KIF1A: variants seen among roughly 807,000 people sequenced by gnomAD.
KIF1A encodes the protein kinesin family member 1A, also known as kinesin-like protein KIF1A.
A neutral mutation model predicts 227.3 loss-of-function variants in KIF1A; 46 were observed. That is an observed-to-expected ratio of 0.20 (90% confidence interval 0.16 to 0.26). The LOEUF (loss-of-function observed/expected upper bound fraction) is 0.26. Ranked by LOEUF, KIF1A falls within the 10% of genes least tolerant of loss-of-function variation. KIF1A has a pLI of 1.00. For synonymous variants in KIF1A, 1,022 were observed against 1,012.8 expected, an observed-to-expected ratio of 1.01 and a Z score of -0.17; for missense variants, 1,683 against 2,485.9, an observed-to-expected ratio of 0.68 and a Z score of 6.87.
intron 11 of KIF1A, among the ~76,000 whole-genome samples, chr2:240,774,841 G>A (rs551088496): frequency 1.2e-4 from 19 of 152,204 alleles, no homozygotes; most frequent in East Asian, 5.9e-4. Flanking sequence ...GCTGCCTGGC[G>A]GTGCTTCAAG....
intron 38 of KIF1A, among the ~76,000 whole-genome samples, chr2:240,728,113 G>A (rs959896011): frequency 6.6e-5 from 10 of 152,184 alleles, no homozygotes; most frequent in African/African-American, 1.7e-4. Flanking sequence ...TCCCGAGACC[G>A]CGGTGGAGCA....
At chr2:240,717,947 A>G in intron 48 of KIF1A, 103 bp downstream of exon 48, 1 of 759,712 alleles carries the variant, frequency 1.3e-6, no homozygotes, top group Non-Finnish European at 2.3e-6. Flanking sequence ...CCCCTGGGAG[A>G]GCAGTCTTGT....
At position 240,752,517 on chromosome 2, in the gene KIF1A, T is replaced by C. The variant is rs959287180; in HGVS notation, c.2859-1970A>G. ...TGACAGTGGGGGTGGGAAAAGGGGC[T>C]GCTACAAACTGAGCAAAGCTAAGTT... On this transcript the variant is annotated intron_variant, in intron 27 of 48. Transcript: ENST00000498729. The surrounding 1 kb of genome is among the most constrained non-coding windows in gnomAD (Gnocchi z 6.4). 3.3e-5 allele frequency among the ~76,000 whole-genome samples: 5 copies of C among 151,908 alleles called. No homozygotes were observed. The highest frequency in any genetic ancestry group is 1.2e-4 in the African/African-American group (5 of 41,350).
Position 240,770,989 on chromosome 2 carries a change from C to T in KIF1A, c.1323G>A (p.Glu441=), listed in dbSNP as rs771765916. 6.2e-7 allele frequency: 1 copy of T among 1,611,818 alleles called. No homozygotes were observed. Among genetic ancestry groups the T allele is most frequent in the Non-Finnish European group, 8.5e-7 (1 of 1,179,838 alleles). The change falls in exon 15 of 49, where the codon GAG becomes GAA. Residue 441 remains glutamate, a synonymous_variant. Coordinates refer to ENST00000498729, the MANE Select transcript of KIF1A (RefSeq NM_001244008.2). The part of the protein sequence containing the change: ...ERILFAPGSE[E]AIERLKETEK... ...CCCTCACCTTCAGTCTTTCAATGGC[C>T]TCCTCGCTGCCCGGGGCAAACAAGA...
At chr2:240,821,358 G>T (rs1472184433), upstream of KIF1A, among the ~76,000 whole-genome samples, 1 of 152,214 alleles carries the variant, frequency 6.6e-6, no homozygotes, top group African/African-American at 2.4e-5. Context: ...CGACAGCTGC[G>T]TGCGAGCGCC....
chr2:240,815,408 C>T (rs962882939), intron 1 of KIF1A, among the ~76,000 whole-genome samples: 1 of 152,100 alleles, frequency 6.6e-6, no homozygotes, highest in Non-Finnish European at 1.5e-5. Context: ...AGGAGCAGTC[C>T]GGGGCCATGC....
rs868347833 is a variant in KIF1A at position 240,763,366 on chromosome 2, G to A, written c.1769-20C>T. On this transcript the variant is annotated intron_variant, in intron 20 of 48. Coordinates refer to ENST00000498729, the MANE Select transcript of KIF1A (RefSeq NM_001244008.2). The stretch of plus-strand genomic sequence containing the variant: ...GGTTTCCTGGGGAACAGAGGGACAG[G>A]TGGCCTTGAGGGATGGGGATCTTCA... 14 of 1,553,772 alleles carry A rather than the reference G, an allele frequency of 9.0e-6. No individual in the cohort carries two copies. In the Middle Eastern group the frequency reaches 8.4e-4, roughly 93 times the overall value.
intron 6 of KIF1A, among the ~76,000 whole-genome samples, chr2:240,785,480 G>A (rs1010040599): frequency 5.9e-5 from 9 of 152,308 alleles, no homozygotes; most frequent in East Asian, 3.9e-4. Flanking sequence ...CCACACCCGC[G>A]GCTCTGGGAA....
intron 10 of KIF1A, among the ~76,000 whole-genome samples, chr2:240,777,848 G>C (rs952251927): frequency 3.3e-5 from 5 of 152,198 alleles, no homozygotes; most frequent in African/African-American, 1.2e-4. Context: ...ACCCTCTCGC[G>C]CGGCTCCTTC....
At chr2:240,810,494 T>G (rs1349063916) in intron 1 of KIF1A, among the ~76,000 whole-genome samples, 3 of 152,088 alleles carry the variant, frequency 2.0e-5, no homozygotes, top group Non-Finnish European at 4.4e-5. Flanking sequence ...TGCCACCACT[T>G]TGAAAATAAC....
Position 240,800,589 on chromosome 2 carries a change from T to A in KIF1A, c.-60-2777A>T, listed in dbSNP as rs1021002343. 3.9e-5 allele frequency among the ~76,000 whole-genome samples: 6 copies of A among 152,320 alleles called. No homozygotes were observed. The South Asian group carries it at 1.2e-3, about 32-fold the overall frequency. ...GCCGTTGCTGAGGGACGGAGGAAGC[T>A]GCAGAGCTTTTGGGCAAAAAGAAAC... is the stretch of plus-strand genomic sequence containing the variant. On this transcript the variant is annotated intron_variant, in intron 1 of 48. Coordinates refer to ENST00000498729, the MANE Select transcript of KIF1A (RefSeq NM_001244008.2).
intron 16 of KIF1A, 77 bp downstream of exon 16, chr2:240,769,550 T>C (rs1444239617): frequency 4.9e-6 from 6 of 1,218,184 alleles, no homozygotes; most frequent in African/African-American, 1.5e-5. Context: ...AGGGCAGGGC[T>C]CAGTGCTCAT....
chr2:240,735,938 C>G (rs905218938), intron 38 of KIF1A, among the ~76,000 whole-genome samples: 2 of 152,088 alleles, frequency 1.3e-5, no homozygotes, highest in South Asian at 4.1e-4. Context: ...GGGCTGGGAC[C>G]AGAGCTGCAT....
Position 240,788,298 on chromosome 2 carries a change from G to A in KIF1A, c.184-68C>T. 1.3e-6 allele frequency: 2 copies of A among 1,487,038 alleles called. No individual in the cohort carries two copies. The highest frequency in any genetic ancestry group is 1.9e-6 in the Non-Finnish European group (2 of 1,076,316). The allele number at this position is 1,487,038 out of a possible 1,614,324, so 92.1% of individuals were successfully genotyped here. A position where few individuals can be genotyped will look rare whatever the true frequency, so the allele number is the denominator to read the frequency against. On this transcript the variant is annotated intron_variant, in intron 3 of 48. Transcript: ENST00000498729. This position sits in a 1 kb window ranked among gnomAD's most constrained non-coding sequence, Gnocchi z 6.6. ...ATCCGAGGCTCAGCCCATCATGTCT[G>A]CGGAGCCAGGGGATGCCCAGGGCCT...
intron 2 of KIF1A, among the ~76,000 whole-genome samples, chr2:240,795,785 C>G (rs1463036076): frequency 6.6e-6 from 1 of 152,212 alleles, no homozygotes; most frequent in Non-Finnish European, 1.5e-5. Context: ...TTCCAACCCG[C>G]CCACCTGCCT....
At position 240,749,602 on chromosome 2, in the gene KIF1A, G is replaced by A. The variant is rs139947023; in HGVS notation, c.2977+827C>T. On this transcript the variant is annotated intron_variant, in intron 28 of 48. Coordinates refer to ENST00000498729, the MANE Select transcript of KIF1A (RefSeq NM_001244008.2). ...GGAAGGGAGTGGGACCTTCCCTCAC[G>A]GCACAAGCCGCCTGTTGCCCTGCAG... 1.6e-4 allele frequency among the ~76,000 whole-genome samples: 25 copies of A among 152,286 alleles called. No individual in the cohort carries two copies. The East Asian group carries it at 4.1e-3, about 25-fold the overall frequency.
At chr2:240,787,140 G>T (rs996491876) in intron 5 of KIF1A, 111 bp downstream of exon 5, 33 of 865,766 alleles carry the variant, frequency 3.8e-5, no homozygotes, top group Admixed American at 1.1e-4. Flanking sequence ...TGAGGGACAA[G>T]CTGGGCGTGC....
At chr2:240,738,573 A>C (rs2047613886) in intron 37 of KIF1A, among the ~76,000 whole-genome samples, 1 of 152,184 alleles carries the variant, frequency 6.6e-6, no homozygotes, top group Non-Finnish European at 1.5e-5. Context: ...CCCTGAGTCC[A>C]ATCACAGGGC....
In KIF1A at chr2:240,771,368, G is replaced by A. The variant is rs1575601206; in HGVS notation, c.1208-264C>T. On this transcript the variant is annotated intron_variant, in intron 14 of 48. Coordinates refer to ENST00000498729, the MANE Select transcript of KIF1A (RefSeq NM_001244008.2). ...TCCTGCCACCCCTTGCCTACGATGG[G>A]ACGGGGCCAGCAGTGGCGCGCACTT... is the stretch of plus-strand genomic sequence containing the variant. 6 of 543,074 alleles carry A rather than the reference G, an allele frequency of 1.1e-5. No homozygotes were observed. In the East Asian group the frequency reaches 2.0e-4, roughly 18 times the overall value. 33.6% of individuals were successfully genotyped at this position (543,074 alleles called of 1,614,324 possible). A position where few individuals can be genotyped will look rare whatever the true frequency, so the allele number is the denominator to read the frequency against.
Sources: allele counts gnomAD v4.1 joint callset (sites outside exome capture counted in the v4.1 genomes callset), GRCh38; gene constraint gnomAD v4.1.1; non-coding constraint Gnocchi (gnomAD v3.1); transcripts MANE v1.5; gene names NCBI Gene and HGNC (gene_info 2026-07-23, HGNC 2026-07-21).